The following ATP8A2 variants were observed in gnomAD, a reference collection of about 807,000 sequenced individuals.
ATP8A2 encodes the protein ATPase phospholipid transporting 8A2, also known as phospholipid-transporting ATPase IB.
Under a neutral mutation model 165.6 loss-of-function variants are expected in ATP8A2, and 100 were observed. The ratio of observed to expected loss-of-function variants is 0.60; its 90% CI spans 0.51 to 0.71. The LOEUF (loss-of-function observed/expected upper bound fraction) is 0.71. ATP8A2 is among the 30% of genes least tolerant of loss of function. The pLI is 0.00. For synonymous variants in ATP8A2, 543 were observed against 548.8 expected (o/e 0.99, Z 0.15); for missense variants, 1,227 against 1,479.5 (o/e 0.83, Z 2.80).
rs13378512 is a variant in ATP8A2, at chr13:25,424,276, G to A, written c.77-44701G>A. Among the ~76,000 whole-genome samples, 887 of 152,298 alleles carry A rather than the reference G, an allele frequency of 5.8e-3. 4 individuals carry two copies. Among genetic ancestry groups the A allele is most frequent in the African/African-American group, 0.013 (539 of 41,556 alleles). On this transcript the variant is annotated intron_variant, in intron 1 of 36. Coordinates refer to ENST00000381655, the MANE Select transcript of ATP8A2 (RefSeq NM_016529.6). ...AATGATTCCATGTTTCCACTCACCT[G>A]CTTGGCCCAATATCCATTCTTCCCA...
chr13:25,539,625 T>A (rs1267088672), intron 7 of ATP8A2, among the ~76,000 whole-genome samples: 1 of 152,192 alleles, frequency 6.6e-6, no homozygotes. Flanking sequence ...GCCAAGGCCA[T>A]ATAGCCCATA....
intron 27 of ATP8A2, among the ~76,000 whole-genome samples, chr13:25,776,764 G>C (rs921711627): frequency 2.0e-5 from 3 of 152,104 alleles, no homozygotes; most frequent in Non-Finnish European, 2.9e-5. Flanking sequence ...CTGTTTCTTC[G>C]TGCTATCCCA....
At chr13:25,844,114 A>C (rs1191873035) in intron 30 of ATP8A2, among the ~76,000 whole-genome samples, 1 of 152,084 alleles carries the variant, frequency 6.6e-6, no homozygotes, top group South Asian at 2.1e-4. Context: ...TTTTTTTGGT[A>C]GGGATGGGAG....
chr13:25,976,441 A>C (rs1956039430), intron 35 of ATP8A2, among the ~76,000 whole-genome samples: 1 of 152,102 alleles, frequency 6.6e-6, no homozygotes, highest in Admixed American at 6.5e-5. Flanking sequence ...CTTTCCACCA[A>C]GCCAAGATGT....
At chr13:25,530,127 T>A in intron 3 of ATP8A2, 29 bp downstream of exon 3, 1 of 1,333,244 alleles carries the variant, frequency 7.5e-7, no homozygotes, top group Non-Finnish European at 1.1e-6. Context: ...TTCCTTGGAA[T>A]TCACTTAATT....
chr13:25,882,554 T>A (rs1238876406), intron 33 of ATP8A2, among the ~76,000 whole-genome samples: 2 of 152,216 alleles, frequency 1.3e-5, no homozygotes, highest in Non-Finnish European at 2.9e-5. Context: ...ACCATAAACC[T>A]GTGATATGTT....
intron 1 of ATP8A2, among the ~76,000 whole-genome samples, chr13:25,444,922 G>A (rs1004531723): frequency 6.6e-6 from 1 of 152,196 alleles, no homozygotes; most frequent in Admixed American, 6.5e-5. Context: ...ATAGGTGTGA[G>A]CCACCACACC....
At chr13:25,861,789 G>GA (rs1311911981) in intron 32 of ATP8A2, among the ~76,000 whole-genome samples, 7 of 151,964 alleles carry the variant, frequency 4.6e-5, no homozygotes, top group Non-Finnish European at 1.0e-4. Context: ...GGACAAAGAA[G>GA]AAAAAATGAA....
intron 1 of ATP8A2, among the ~76,000 whole-genome samples, chr13:25,450,180 T>A (rs2035174543): frequency 6.6e-6 from 1 of 152,236 alleles, no homozygotes; most frequent in Non-Finnish European, 1.5e-5. Context: ...GTGCATAGTA[T>A]TTCATGGTAT....
intron 33 of ATP8A2, among the ~76,000 whole-genome samples, chr13:25,936,136 A>G (rs1224362460): frequency 6.6e-6 from 1 of 152,042 alleles, no homozygotes; most frequent in Non-Finnish European, 1.5e-5. Flanking sequence ...AAAGTACCCA[A>G]CTCACATTGA....
chr13:25,647,388 A>G (rs76814611), intron 24 of ATP8A2, among the ~76,000 whole-genome samples: 5,250 of 152,146 alleles, frequency 0.035, 155 homozygotes, highest in East Asian at 0.13. Flanking sequence ...TGGTTGGCAG[A>G]TTTTTTCCCC....
At chr13:25,580,315 C>T (rs758412194) in intron 22 of ATP8A2, among the ~76,000 whole-genome samples, 2 of 152,190 alleles carry the variant, frequency 1.3e-5, no homozygotes, top group Non-Finnish European at 1.5e-5. Context: ...TAAGCTTTCT[C>T]GCACTAACTT....
At chr13:25,541,297 A>C (rs1161086683) in intron 8 of ATP8A2, among the ~76,000 whole-genome samples, 1 of 152,094 alleles carries the variant, frequency 6.6e-6, no homozygotes, top group East Asian at 1.9e-4. Context: ...TTTGCTTTAG[A>C]CTTTTTTTTT....
intron 33 of ATP8A2, among the ~76,000 whole-genome samples, chr13:25,878,434 T>C (rs1395635160): frequency 2.8e-5 from 3 of 106,366 alleles, no homozygotes; most frequent in Non-Finnish European, 5.7e-5. Context: ...TGAAAGCAAG[T>C]TTTTTAAGAA....
intron 25 of ATP8A2, among the ~76,000 whole-genome samples, chr13:25,710,193 C>T (rs549772807): frequency 6.6e-6 from 1 of 152,200 alleles, no homozygotes; most frequent in East Asian, 1.9e-4. Context: ...TTGATACAGG[C>T]ATACAATATG....
chr13:26,017,777 C>G lies in ATP8A2; in HGVS notation c.3470-2111C>G, dbSNP rs1417788835. ...GGTGTGGGCCCAAGGCTGGCACAAG[C>G]ATATCCGCCCCCAAGGGAGCTCCCC... On this transcript the variant is annotated intron_variant, in intron 36 of 36. Transcript: ENST00000381655. 2.0e-5 allele frequency among the ~76,000 whole-genome samples: 3 copies of G among 152,200 alleles called. No individual in the cohort carries two copies. In the South Asian group the frequency reaches 6.2e-4, roughly 31 times the overall value.
chr13:25,749,609 G>C (rs2044112196), intron 25 of ATP8A2, among the ~76,000 whole-genome samples: 1 of 152,144 alleles, frequency 6.6e-6, no homozygotes, highest in Non-Finnish European at 1.5e-5. Flanking sequence ...TGAGTGAGCA[G>C]CTACAGAGCT....
chr13:25,857,802 C>T (rs1952216282), intron 30 of ATP8A2, among the ~76,000 whole-genome samples: 1 of 151,956 alleles, frequency 6.6e-6, no homozygotes, highest in Admixed American at 6.6e-5. Context: ...AACTCCTGAC[C>T]TCAGGTGATC....
chr13:25,492,139 C>A (rs576277729), intron 2 of ATP8A2, among the ~76,000 whole-genome samples: 1 of 152,302 alleles, frequency 6.6e-6, no homozygotes, highest in East Asian at 1.9e-4. Context: ...TCACTGCAAC[C>A]TTTGCCTCCT....
Sources: gnomAD v4.1 joint callset for allele counts (sites outside exome capture counted in the v4.1 genomes callset) on GRCh38, gnomAD v4.1.1 for gene constraint, MANE v1.5 for transcripts, NCBI Gene and HGNC (gene_info 2026-07-23, HGNC 2026-07-21) for gene names.